The following ZNF512 variants were observed in gnomAD, a reference collection of about 807,000 sequenced individuals.
The protein encoded by ZNF512 is zinc finger protein 512.
A neutral mutation model predicts 77.5 loss-of-function variants in ZNF512; 25 were observed. That is an observed-to-expected ratio of 0.32 (90% confidence interval 0.23 to 0.45). ZNF512 has a LOEUF of 0.45. Among genes scored for constraint, ZNF512 ranks in the 20% least tolerant of loss-of-function variants. The pLI is 1.00. For synonymous variants in ZNF512, 246 were observed against 239.9 expected (o/e 1.03, Z -0.24); for missense variants, 483 against 692.6 (o/e 0.70, Z 3.40).
At chr2:27,600,116 T>C in intron 5 of ZNF512, 63 bp downstream of exon 5, 1 of 1,557,976 alleles carries the variant, frequency 6.4e-7, no homozygotes, top group Non-Finnish European at 8.8e-7. Context: ...TTGTTGGTGT[T>C]GTCTGTGAAG....
At chr2:27,596,581 T>G (rs1671881547) in intron 2 of ZNF512, among the ~76,000 whole-genome samples, 1 of 152,212 alleles carries the variant, frequency 6.6e-6, no homozygotes, top group East Asian at 1.9e-4. Flanking sequence ...AAGACAGAAT[T>G]GGAAAACTCA....
intron 13 of ZNF512, 60 bp from the exon 14 acceptor site, chr2:27,621,093 C>A: frequency 6.4e-7 from 1 of 1,555,832 alleles, no homozygotes; most frequent in East Asian, 2.2e-5. Flanking sequence ...CTTCCTCCAC[C>A]TTTCTTTATG....
At chr2:27,599,727 ATTC>A in intron 4 of ZNF512, 49 bp downstream of exon 4, 1 of 1,535,674 alleles carries the variant, frequency 6.5e-7, no homozygotes, top group Non-Finnish European at 9.0e-7. Flanking sequence ...ACTGAGCTTT[ATTC>A]TTTGAGGGTA....
chr2:27,615,081 T>A (rs555019220), intron 10 of ZNF512, 87 bp from the exon 11 acceptor site: 8 of 759,436 alleles, frequency 1.1e-5, no homozygotes, highest in African/African-American at 8.8e-5. Context: ...CAGAATTATA[T>A]AACCTAAAGA....
intron 13 of ZNF512, among the ~76,000 whole-genome samples, chr2:27,620,915 T>C (rs545813116): frequency 2.0e-5 from 3 of 152,154 alleles, no homozygotes; most frequent in Non-Finnish European, 4.4e-5. Context: ...GTAAACAGAC[T>C]TTGTAGATCA....
At chr2:27,600,122 T>G (rs1572916792) in intron 5 of ZNF512, 69 bp downstream of exon 5, 1 of 1,524,664 alleles carries the variant, frequency 6.6e-7, no homozygotes, top group East Asian at 2.3e-5. Flanking sequence ...GTGTTGTCTG[T>G]GAAGGAATGA....
intron 10 of ZNF512, among the ~76,000 whole-genome samples, chr2:27,612,204 C>T (rs1031638595): frequency 1.3e-5 from 2 of 152,048 alleles, no homozygotes; most frequent in Non-Finnish European, 2.9e-5. Flanking sequence ...GGCAGTTGAG[C>T]GCTCTTTCAA....
At position 27,617,396 on chromosome 2, in the gene ZNF512, C is replaced by G. The variant is rs919102024; in HGVS notation, c.1297-77C>G. The G allele has an allele frequency of 7.3e-5, 54 of 743,598 alleles. No individual in the cohort carries two copies. The Admixed American group carries it at 7.5e-4, about 10-fold the overall frequency. 46.1% of individuals were successfully genotyped at this position (743,598 alleles called of 1,614,324 possible). A position where few individuals can be genotyped will look rare whatever the true frequency, so the allele number is the denominator to read the frequency against. On this transcript the variant is annotated intron_variant, in intron 12 of 13. Coordinates refer to ENST00000355467, the MANE Select transcript of ZNF512 (RefSeq NM_032434.4). ...GAAGTAGAATTCCCTCTTTTCATCT[C>G]TAACAATCCCTACACATAGCCCAGT...
intron 13 of ZNF512, among the ~76,000 whole-genome samples, chr2:27,619,261 G>A: frequency 6.6e-6 from 1 of 152,074 alleles, no homozygotes. Flanking sequence ...AAGTTAGCTG[G>A]GTGTGGTGGC....
chr2:27,588,070 T>C (rs988753418), intron 2 of ZNF512, among the ~76,000 whole-genome samples: 6 of 152,102 alleles, frequency 3.9e-5, no homozygotes, highest in Admixed American at 3.9e-4. Context: ...GGTTATCTTA[T>C]TGAATTGTGG....
At chr2:27,586,251 A>C (rs1024149871) in intron 2 of ZNF512, among the ~76,000 whole-genome samples, 4 of 116,226 alleles carry the variant, frequency 3.4e-5, no homozygotes, top group Non-Finnish European at 7.2e-5. Flanking sequence ...GTTGTTGGAG[A>C]TGGAGTCTTG....
At chr2:27,603,747 T>C (rs567929952) in intron 9 of ZNF512, among the ~76,000 whole-genome samples, 3 of 151,480 alleles carry the variant, frequency 2.0e-5, no homozygotes, top group Non-Finnish European at 4.4e-5. Context: ...TTGCGTCACA[T>C]GCCCAGCTAA....
intron 2 of ZNF512, among the ~76,000 whole-genome samples, chr2:27,589,475 T>A (rs962094752): frequency 1.3e-5 from 2 of 152,174 alleles, no homozygotes; most frequent in Admixed American, 6.5e-5. Context: ...ATTTGTAGTG[T>A]CTTTTTTTGT....
intron 13 of ZNF512, among the ~76,000 whole-genome samples, chr2:27,619,976 T>C (rs544969025): frequency 9.7e-4 from 147 of 152,314 alleles, no homozygotes; most frequent in African/African-American, 3.4e-3. Context: ...TTTTTCAGAG[T>C]TGATTTTTCA....
chr2:27,595,173 G>A (rs960312402), intron 2 of ZNF512, among the ~76,000 whole-genome samples: 2 of 152,152 alleles, frequency 1.3e-5, no homozygotes, highest in Non-Finnish European at 2.9e-5. Context: ...AGCTGCATTA[G>A]TATCTTTCGC....
At chr2:27,612,788 T>C (rs935858062) in intron 10 of ZNF512, among the ~76,000 whole-genome samples, 7 of 152,248 alleles carry the variant, frequency 4.6e-5, no homozygotes, top group African/African-American at 1.7e-4. Flanking sequence ...GTAGTGAAAA[T>C]AGTATTTTCC....
At chr2:27,597,820 TAC>T (rs1236247164) in intron 2 of ZNF512, among the ~76,000 whole-genome samples, 1 of 152,248 alleles carries the variant, frequency 6.6e-6, no homozygotes, top group Non-Finnish European at 1.5e-5. Flanking sequence ...AAGGAATGTC[TAC>T]TTGGGCTGCA....
chr2:27,583,627 A>G (rs780183472), intron 1 of ZNF512, 31 bp from the exon 2 acceptor site: 3 of 1,613,376 alleles, frequency 1.9e-6, no homozygotes, highest in Non-Finnish European at 2.5e-6. Flanking sequence ...AGAGGTCCCT[A>G]GCACTCACTC....
intron 12 of ZNF512, 49 bp from the exon 13 acceptor site, chr2:27,617,424 T>C (rs772090097): frequency 2.5e-6 from 2 of 801,286 alleles, no homozygotes; most frequent in Non-Finnish European, 4.6e-6. Context: ...AGCCCAGTTA[T>C]GTTGCTGAAT....
Sources: gnomAD v4.1 joint callset for allele counts (sites outside exome capture counted in the v4.1 genomes callset) on GRCh38, gnomAD v4.1.1 for gene constraint, MANE v1.5 for transcripts, NCBI Gene and HGNC (gene_info 2026-07-23, HGNC 2026-07-21) for gene names.